TMEM132B: variants seen among roughly 807,000 people sequenced by gnomAD.
TMEM132B encodes the protein transmembrane protein 132B.
In TMEM132B, 18 loss-of-function variants were observed where a neutral mutation model predicts 90.8. The observed-to-expected ratio is 0.20, with a 90% CI of 0.14 to 0.29. TMEM132B has a LOEUF of 0.29. Among genes scored for constraint, TMEM132B ranks in the 10% least tolerant of loss-of-function variants. The pLI, the probability that TMEM132B is intolerant of heterozygous loss-of-function variation, is 1.00. For synonymous variants in TMEM132B, 504 were observed against 523.3 expected, an observed-to-expected ratio of 0.96 and a Z score of 0.50; for missense variants, 1,096 against 1,326.8, an observed-to-expected ratio of 0.83 and a Z score of 2.70.
rs113307760 is a variant in TMEM132B at position 125,492,775 on chromosome 12, C to G, written c.1107-26664C>G. ...GTCCACTCAGCCACTCAGCCACGCC[C>G]GCAGATCTCACTTGGCTCCAAAATG... On this transcript the variant is annotated intron_variant, in intron 3 of 8. Coordinates refer to ENST00000682704, the MANE Select transcript of TMEM132B (RefSeq NM_001366854.1). The surrounding 1 kb of genome is among the most constrained non-coding windows in gnomAD (Gnocchi z 5.8). 6.6e-6 allele frequency among the ~76,000 whole-genome samples: 1 copy of G among 152,146 alleles called. No individual in the cohort carries two copies. The highest frequency in any genetic ancestry group is 1.9e-4 in the East Asian group (1 of 5,192).
At chr12:125,539,281 C>T (rs555999267) in intron 4 of TMEM132B, among the ~76,000 whole-genome samples, 20 of 152,346 alleles carry the variant, frequency 1.3e-4, no homozygotes, top group African/African-American at 4.8e-4. Context: ...ATGCTGGCCT[C>T]CTTTCTTTTC....
chr12:125,517,413 T>C lies in TMEM132B; in HGVS notation c.1107-2026T>C, dbSNP rs377114113. ...TTCACTATGTTAGCCAGGATGGTCT[T>C]GATCTCCTGACCTCGTGATCCACCC... On this transcript the variant is annotated intron_variant, in intron 3 of 8. Coordinates refer to ENST00000682704, the MANE Select transcript of TMEM132B (RefSeq NM_001366854.1). 4.6e-4 allele frequency among the ~76,000 whole-genome samples: 69 copies of C among 148,700 alleles called. No homozygotes were observed. In the South Asian group the frequency reaches 8.9e-3, roughly 19 times the overall value.
intron 2 of TMEM132B, among the ~76,000 whole-genome samples, chr12:125,369,396 A>G (rs1031164230): frequency 6.6e-6 from 1 of 152,188 alleles, no homozygotes; most frequent in African/African-American, 2.4e-5. Context: ...CAGTAATGGG[A>G]TGGCTGGGTC....
chr12:125,212,634 C>T (rs944568327), intron 1 of TMEM132B, among the ~76,000 whole-genome samples: 6 of 152,034 alleles, frequency 3.9e-5, no homozygotes, highest in Admixed American at 2.0e-4. Context: ...GTGGAGGTTG[C>T]AGTGAGCCGA....
At chr12:125,394,056 A>C (rs569325373) in intron 2 of TMEM132B, among the ~76,000 whole-genome samples, 1 of 152,340 alleles carries the variant, frequency 6.6e-6, no homozygotes, top group South Asian at 2.1e-4. Context: ...AGAACAACCC[A>C]TATAGCCAGG....
intron 3 of TMEM132B, among the ~76,000 whole-genome samples, chr12:125,517,808 G>C (rs760413882): frequency 2.0e-5 from 3 of 152,152 alleles, no homozygotes; most frequent in Non-Finnish European, 4.4e-5. Context: ...TGGCGGAATG[G>C]GCATGAATGT....
chr12:125,426,590 T>A (rs549604017), intron 3 of TMEM132B, among the ~76,000 whole-genome samples: 1 of 152,232 alleles, frequency 6.6e-6, no homozygotes, highest in Non-Finnish European at 1.5e-5. Flanking sequence ...GAGGGCTATG[T>A]CCCTGGCAAC....
chr12:125,338,846 T>C (rs1359142879), intron 1 of TMEM132B, among the ~76,000 whole-genome samples: 1 of 152,250 alleles, frequency 6.6e-6, no homozygotes, highest in African/African-American at 2.4e-5. Context: ...TTATTTCATT[T>C]GGGTTTCTGT....
chr12:125,270,708 G>C (rs921067149), intron 1 of TMEM132B, among the ~76,000 whole-genome samples: 1 of 150,194 alleles, frequency 6.7e-6, no homozygotes, highest in African/African-American at 2.4e-5. Flanking sequence ...ATTGGTCAAG[G>C]GTTGCTCTCC....
intron 3 of TMEM132B, among the ~76,000 whole-genome samples, chr12:125,448,602 A>C (rs1208639546): frequency 6.6e-6 from 1 of 152,168 alleles, no homozygotes; most frequent in Non-Finnish European, 1.5e-5. Context: ...TCACCTGTTC[A>C]TTGACATTTA....
intron 2 of TMEM132B, among the ~76,000 whole-genome samples, chr12:125,384,249 C>T (rs1424336048): frequency 6.6e-6 from 1 of 152,138 alleles, no homozygotes; most frequent in South Asian, 2.1e-4. Flanking sequence ...GGCTGAAACT[C>T]TCTGTATTTC....
chr12:125,624,446 C>T lies in TMEM132B; in HGVS notation c.1438-19630C>T, dbSNP rs76022462. Among the ~76,000 whole-genome samples, 556 of 152,210 alleles carry T rather than the reference C, an allele frequency of 3.7e-3. 2 individuals carry two copies. The highest frequency in any genetic ancestry group is 7.5e-3 in the Admixed American group (115 of 15,300). On this transcript the variant is annotated intron_variant, in intron 5 of 8. Coordinates refer to ENST00000682704, the MANE Select transcript of TMEM132B (RefSeq NM_001366854.1). ...TGCAGAAAATGAAATAAGGCAACAA[C>T]CTTGTCTTCAAAGGACTTATATCAC...
intron 3 of TMEM132B, among the ~76,000 whole-genome samples, chr12:125,452,256 C>G (rs1881173384): frequency 6.6e-6 from 1 of 152,216 alleles, no homozygotes; most frequent in African/African-American, 2.4e-5. Context: ...TTGTTGTCCC[C>G]AGCAGGAGAA....
rs147887382 is a variant in TMEM132B at position 125,310,946 on chromosome 12, G to C, written c.68-38506G>C. On this transcript the variant is annotated intron_variant, in intron 1 of 8. Transcript: ENST00000682704. ...AAGTGGCCCATCACTGAGTACTGGT[G>C]TCCGAGGCTGTTCAATTATATGCAC... 2.0e-5 allele frequency among the ~76,000 whole-genome samples: 3 copies of C among 152,326 alleles called. No individual in the cohort carries two copies. The East Asian group carries it at 5.8e-4, about 29-fold the overall frequency.
intron 4 of TMEM132B, among the ~76,000 whole-genome samples, chr12:125,553,933 A>G (rs968112949): frequency 6.6e-6 from 1 of 152,180 alleles, no homozygotes; most frequent in Non-Finnish European, 1.5e-5. Flanking sequence ...TTCAATATTA[A>G]TAATGAATGA....
intron 4 of TMEM132B, among the ~76,000 whole-genome samples, chr12:125,578,414 A>G (rs1884981984): frequency 6.6e-6 from 1 of 152,202 alleles, no homozygotes; most frequent in African/African-American, 2.4e-5. Flanking sequence ...CCATGAACAA[A>G]CATCTATAAT....
intron 2 of TMEM132B, among the ~76,000 whole-genome samples, chr12:125,378,749 C>T (rs1878570530): frequency 6.6e-6 from 1 of 152,100 alleles, no homozygotes; most frequent in African/African-American, 2.4e-5. Context: ...TTTAAGTGGA[C>T]ATTTCTGTCC....
chr12:125,457,152 T>C (rs1190681226), intron 3 of TMEM132B, among the ~76,000 whole-genome samples: 1 of 152,178 alleles, frequency 6.6e-6, no homozygotes, highest in Admixed American at 6.5e-5. Context: ...TAAAGCTGCA[T>C]GTACAGCAAG....
chr12:125,457,406 AT>A (rs1324407422), intron 3 of TMEM132B, among the ~76,000 whole-genome samples: 1 of 152,180 alleles, frequency 6.6e-6, no homozygotes, highest in Admixed American at 6.5e-5. Flanking sequence ...TGGGATCTGC[AT>A]TCTGGGGTTC....
Sources: allele counts gnomAD v4.1 joint callset (sites outside exome capture counted in the v4.1 genomes callset), GRCh38; gene constraint gnomAD v4.1.1; non-coding constraint Gnocchi (gnomAD v3.1); transcripts MANE v1.5; gene names NCBI Gene and HGNC (gene_info 2026-07-23, HGNC 2026-07-21).